The following FHOD3 variants were observed in gnomAD, a reference collection of about 807,000 sequenced individuals.
FHOD3 encodes FH1/FH2 domain-containing protein 3.
Under a neutral mutation model 173.0 loss-of-function variants are expected in FHOD3, and 90 were observed. The observed-to-expected ratio is 0.52, with a 90% CI of 0.44 to 0.62. The LOEUF is 0.62. FHOD3 is among the 20% of genes least tolerant of loss of function. The pLI, the probability that FHOD3 is intolerant of heterozygous loss-of-function variation, is 0.00. For missense variants in FHOD3, 1,945 were observed against 2,034.7 expected (o/e 0.96, Z 0.85); for synonymous variants, 828 against 823.0 (o/e 1.01, Z -0.10).
intron 15 of FHOD3, among the ~76,000 whole-genome samples, chr18:36,685,972 C>G (rs143516294): frequency 7.7e-4 from 117 of 152,142 alleles, no homozygotes; most frequent in African/African-American, 2.6e-3. Flanking sequence ...TTCAGTGATC[C>G]TAGAATAGAA....
chr18:36,740,471 A>G (rs745560629), intron 20 of FHOD3, among the ~76,000 whole-genome samples, 185 bp from the exon 21 acceptor site: 2 of 151,986 alleles, frequency 1.3e-5, no homozygotes, highest in Non-Finnish European at 2.9e-5. Flanking sequence ...AGAATGTCCT[A>G]TGTGTGTGAG....
chr18:36,779,225 T>C, intron 28 of FHOD3: 1 of 568,658 alleles, frequency 1.8e-6, no homozygotes, highest in Non-Finnish European at 3.1e-6. Context: ...AATCAGCACC[T>C]GTGGCATTGT....
intron 9 of FHOD3, among the ~76,000 whole-genome samples, chr18:36,620,743 T>C (rs1481338384): frequency 3.3e-5 from 5 of 152,236 alleles, no homozygotes; most frequent in Non-Finnish European, 5.9e-5. Context: ...CCCTGTGTAA[T>C]AACTCAAGCT....
intron 3 of FHOD3, among the ~76,000 whole-genome samples, chr18:36,473,468 G>A (rs1228026003): frequency 6.6e-6 from 1 of 152,154 alleles, no homozygotes; most frequent in Non-Finnish European, 1.5e-5. Context: ...ACCTACATTT[G>A]TCACCCAATT....
At position 36,745,314 on chromosome 18, in the gene FHOD3, A is replaced by G. The variant is rs142787171; in HGVS notation, c.4041+1121A>G. On this transcript the variant is annotated intron_variant, in intron 23 of 28. Transcript: ENST00000590592. ...AGCGAAGCCTTTCCTATCTGGACTCAGGATTCCTTTGGTTTCAGACAAATC... is the reference window on the plus strand; with the variant it reads ...AGCGAAGCCTTTCCTATCTGGACTCGGGATTCCTTTGGTTTCAGACAAATC... 4.6e-5 allele frequency among the ~76,000 whole-genome samples: 7 copies of G among 152,292 alleles called. No individual in the cohort carries two copies. In the East Asian group the frequency reaches 9.7e-4, roughly 21 times the overall value.
intron 3 of FHOD3, among the ~76,000 whole-genome samples, chr18:36,384,888 G>C (rs2047956599): frequency 6.7e-6 from 1 of 148,494 alleles, no homozygotes. Flanking sequence ...CTTGGCAAGT[G>C]GTGGAAGATA....
At chr18:36,649,270 T>C (rs2035891576) in intron 10 of FHOD3, 46 bp from the exon 11 acceptor site, 29 of 1,439,872 alleles carry the variant, frequency 2.0e-5, no homozygotes, top group Non-Finnish European at 2.6e-5. Flanking sequence ...CATCTCACTT[T>C]TCCATGTTGT....
At chr18:36,709,562 C>G in intron 18 of FHOD3, 171 bp downstream of exon 18, 1 of 679,540 alleles carries the variant, frequency 1.5e-6, no homozygotes. Context: ...ACGCTGGCAG[C>G]CAGCCAGCAG....
intron 28 of FHOD3, chr18:36,777,782 A>G (rs2043791154): frequency 6.6e-6 from 1 of 152,202 alleles, no homozygotes; most frequent in African/African-American, 2.4e-5. Context: ...CTGGAGGCCA[A>G]GGGATCAGGG....
intron 9 of FHOD3, among the ~76,000 whole-genome samples, chr18:36,623,214 C>T (rs1288258179): frequency 2.0e-5 from 3 of 152,214 alleles, no homozygotes; most frequent in African/African-American, 4.8e-5. Context: ...ACACTGTGTG[C>T]CTCTCTGAAA....
rs76217615 is a variant in FHOD3, at chr18:36,412,804, T to C, written c.337+40060T>C. Among the ~76,000 whole-genome samples, 487 of 152,356 alleles carry C rather than the reference T, an allele frequency of 3.2e-3. 3 individuals carry two copies. Among genetic ancestry groups the C allele is most frequent in the African/African-American group, 0.011 (451 of 41,594 alleles). ...GAAAATTGTACAAAAAGCCGATATATAATGAAGAATGAATGATAACAAGAA... is the reference window on the plus strand; with the variant it reads ...GAAAATTGTACAAAAAGCCGATATACAATGAAGAATGAATGATAACAAGAA... On this transcript the variant is annotated intron_variant, in intron 3 of 28. Transcript: ENST00000590592.
chr18:36,512,455 G>A lies in FHOD3; in HGVS notation c.423G>A (p.Val141=). 2 of 1,613,886 alleles carry A rather than the reference G, an allele frequency of 1.2e-6. No individual in the cohort carries two copies. The highest frequency in any genetic ancestry group is 1.7e-6 in the Non-Finnish European group (2 of 1,179,914). Residue 141 remains valine, a synonymous_variant, in exon 5 of 29, where the codon GTG becomes GTA. Transcript: ENST00000590592. The part of the protein sequence containing the change: ...KQIFQDDKDL[V]HEFVVAEGLT... ...CCTGCCAGGATGACAAGGATTTGGT[G>A]CATGAATTTGTAGTGGCTGAAGGTC... is the stretch of plus-strand genomic sequence containing the variant.
intron 10 of FHOD3, among the ~76,000 whole-genome samples, chr18:36,644,463 C>A (rs2035547702): frequency 6.6e-6 from 1 of 152,198 alleles, no homozygotes; most frequent in Non-Finnish European, 1.5e-5. Context: ...CACCCCTTTG[C>A]ATTATAGGCA....
At chr18:36,776,318 C>T (rs556522826) in intron 28 of FHOD3, among the ~76,000 whole-genome samples, 9 of 152,146 alleles carry the variant, frequency 5.9e-5, no homozygotes, top group East Asian at 1.9e-4. Context: ...AGGCTCCCAT[C>T]GCAGAGGCTC....
In FHOD3 at chr18:36,755,397, CTTTTTTTTTT is replaced by C. The variant is rs200164880; in HGVS notation, c.4425+105_4425+114del. ...ATCCTCCCCACAGTTAAAAGCTGTGCTTTTTTTTTTTTTTTTTTTTTTTTTTTTGACTATA... is the reference window on the plus strand; with the variant it reads ...ATCCTCCCCACAGTTAAAAGCTGTGCTTTTTTTTTTTTTTTTTTGACTATA... On this transcript the variant is annotated intron_variant, in intron 25 of 28. Coordinates refer to ENST00000590592, the MANE Select transcript of FHOD3 (RefSeq NM_001281740.3). 17,891 of 211,964 alleles carry C rather than the reference CTTTTTTTTTT, an allele frequency of 0.084. 446 individuals carry two copies. Among genetic ancestry groups the C allele is most frequent in the East Asian group, 0.13 (994 of 7,860 alleles). 13.1% of individuals were successfully genotyped at this position (211,964 alleles called of 1,614,324 possible). A position where few individuals can be genotyped will look rare whatever the true frequency, so the allele number is the denominator to read the frequency against.
At position 36,681,581 on chromosome 18, in the gene FHOD3, T is replaced by G; in HGVS notation, c.1970+11T>G. 3 of 1,600,234 alleles carry G rather than the reference T, an allele frequency of 1.9e-6. No individual in the cohort carries two copies. The highest frequency in any genetic ancestry group is 1.1e-5 in the South Asian group (1 of 90,412). ...AAGAAACAAATTCAGGTAAGAAGGA[T>G]CTTAAGATTTTTTTTAAATAGTGAG... On this transcript the variant is annotated intron_variant, in intron 15 of 28. Transcript: ENST00000590592.
At chr18:36,524,887 C>T (rs1430239295) in intron 5 of FHOD3, among the ~76,000 whole-genome samples, 2 of 152,150 alleles carry the variant, frequency 1.3e-5, no homozygotes, top group Non-Finnish European at 2.9e-5. Flanking sequence ...GAGTCAGTCA[C>T]TTTGGGGTCT....
chr18:36,756,546 G>A (rs72883525), intron 25 of FHOD3, among the ~76,000 whole-genome samples: 38 of 152,236 alleles, frequency 2.5e-4, no homozygotes, highest in Middle Eastern at 3.4e-3. Flanking sequence ...CACTGAAGCC[G>A]CCCTATGTGC....
intron 3 of FHOD3, among the ~76,000 whole-genome samples, chr18:36,492,897 A>G (rs1273844166): frequency 1.3e-5 from 2 of 152,182 alleles, no homozygotes; most frequent in Non-Finnish European, 2.9e-5. Context: ...CTAGGATGTG[A>G]GTGAGTTTCA....
Sources: gnomAD v4.1 joint callset for allele counts (sites outside exome capture counted in the v4.1 genomes callset) on GRCh38, gnomAD v4.1.1 for gene constraint, MANE v1.5 for transcripts, NCBI Gene and HGNC (gene_info 2026-07-23, HGNC 2026-07-21) for gene names.